Variants in NBEAL1 observed in about 807,000 individuals in gnomAD.
NBEAL1 encodes neurobeachin-like protein 1.
NBEAL1 carries 273 observed loss-of-function variants against 351.3 expected under a neutral mutation model. That is an observed-to-expected ratio of 0.78 (90% CI 0.70 to 0.86). The LOEUF (loss-of-function observed/expected upper bound fraction) is 0.86, where lower values mean the gene tolerates loss of function less well. Among genes scored for constraint, NBEAL1 ranks in the 40% least tolerant of loss-of-function variants. NBEAL1 has a pLI of 0.00. For missense variants in NBEAL1, 2,961 were observed against 3,201.3 expected (o/e 0.92, Z 1.81); for synonymous variants, 1,050 against 1,086.4 (o/e 0.97, Z 0.66).
At chr2:203,139,259 A>G (rs2063302362) in intron 31 of NBEAL1, among the ~76,000 whole-genome samples, 1 of 152,040 alleles carries the variant, frequency 6.6e-6, no homozygotes, top group Non-Finnish European at 1.5e-5. Flanking sequence ...GTCACAAGGA[A>G]TATTTATTAT....
chr2:203,161,326 C>CAAA (rs1174377516), intron 36 of NBEAL1, among the ~76,000 whole-genome samples: 2 of 64,786 alleles, frequency 3.1e-5, no homozygotes, highest in Non-Finnish European at 6.1e-5. Context: ...GACTCCATCT[C>CAAA]AAAAAAAAAA....
chr2:203,101,848 G>A (rs576540895), intron 12 of NBEAL1, among the ~76,000 whole-genome samples: 7 of 152,078 alleles, frequency 4.6e-5, no homozygotes, highest in East Asian at 1.9e-4. Context: ...TGCCCACCTC[G>A]GCCTCCTAAA....
In NBEAL1 at chr2:203,135,902, T is replaced by C; in HGVS notation, c.4039T>C (p.Ser1347Pro). 2.5e-6 allele frequency: 4 copies of C among 1,614,112 alleles called. No homozygotes were observed. Among genetic ancestry groups the C allele is most frequent in the Non-Finnish European group, 2.5e-6 (3 of 1,179,994 alleles). ...AAAAACAGATGAGGAAAAAATCACC[T>C]CTTTTGCCTCAGCTAATGTGTCTTC... ...DEKTDEEKIT[S>P]FASANVSSDQ... is the part of the protein sequence containing the mutation. The change falls in exon 28 of 56, where the codon TCT (serine) becomes CCT (proline). Residue 1347 changes from serine (S) to proline (P), a missense_variant. By Grantham distance (74) the Ser-to-Pro change is moderately conservative. Transcript: ENST00000683969.
intron 27 of NBEAL1, among the ~76,000 whole-genome samples, chr2:203,134,519 A>G (rs1326529654): frequency 6.6e-6 from 1 of 152,164 alleles, no homozygotes; most frequent in East Asian, 1.9e-4. Flanking sequence ...CCTTACCAAC[A>G]TTGTTCATCT....
chr2:203,022,223 A>C (rs1240740063), intron 2 of NBEAL1, among the ~76,000 whole-genome samples: 1 of 152,178 alleles, frequency 6.6e-6, no homozygotes, highest in East Asian at 1.9e-4. Context: ...AGCCTCTCAA[A>C]GTCTTAGATA....
intron 27 of NBEAL1, among the ~76,000 whole-genome samples, chr2:203,133,723 G>A (rs866747642): frequency 5.4e-5 from 8 of 147,182 alleles, no homozygotes; most frequent in Non-Finnish European, 8.9e-5. Context: ...ATATATATAT[G>A]TGTGTGTGAG....
intron 36 of NBEAL1, among the ~76,000 whole-genome samples, chr2:203,159,822 C>T (rs897268538): frequency 1.3e-5 from 2 of 152,020 alleles, no homozygotes; most frequent in Non-Finnish European, 2.9e-5. Flanking sequence ...CTGTTTTTTA[C>T]AGGGACTGTG....
At position 203,167,323 on chromosome 2, in the gene NBEAL1, T is replaced by C; in HGVS notation, c.5960T>C (p.Val1987Ala). 6.2e-7 allele frequency: 1 copy of C among 1,612,798 alleles called. No homozygotes were observed. Among genetic ancestry groups the C allele is most frequent in the Non-Finnish European group, 8.5e-7 (1 of 1,179,494 alleles). Reference sequence around the variant, plus strand: ...AGATCAGCCCTTGAGATTTTTCATGTTGACCAATCCAACTACTTTCTCAAT... The same window carrying C: ...AGATCAGCCCTTGAGATTTTTCATGCTGACCAATCCAACTACTTTCTCAAT... ...LRRSALEIFH[V>A]DQSNYFLNFK... is the part of the protein sequence containing the mutation. The change falls in exon 38 of 56, where the codon GTT (valine) becomes GCT (alanine). Residue 1987 changes from valine to alanine, a missense_variant. By Grantham distance (64) the Val-to-Ala change is moderately conservative. Coordinates refer to ENST00000683969, the MANE Select transcript of NBEAL1 (RefSeq NM_001378026.1).
intron 33 of NBEAL1, among the ~76,000 whole-genome samples, chr2:203,146,007 A>T (rs1344821441): frequency 6.6e-6 from 1 of 151,576 alleles, no homozygotes; most frequent in Non-Finnish European, 1.5e-5. Flanking sequence ...AAAAAAAAAA[A>T]GGAGAGAGAG....
chr2:203,095,143 C>A (rs1340772944), intron 10 of NBEAL1, among the ~76,000 whole-genome samples: 1 of 151,974 alleles, frequency 6.6e-6, no homozygotes, highest in Non-Finnish European at 1.5e-5. Flanking sequence ...AAGAGAAAAG[C>A]AAAGAAGAAA....
At chr2:203,021,215 C>T (rs1373972494) in intron 2 of NBEAL1, among the ~76,000 whole-genome samples, 2 of 151,932 alleles carry the variant, frequency 1.3e-5, no homozygotes, top group Non-Finnish European at 2.9e-5. Context: ...CTCCTGACCT[C>T]AGGCGATCCA....
chr2:203,185,473 C>T (rs1401248804), intron 44 of NBEAL1, among the ~76,000 whole-genome samples: 1 of 152,050 alleles, frequency 6.6e-6, no homozygotes, highest in Non-Finnish European at 1.5e-5. Flanking sequence ...CATGTGTATA[C>T]CTACATAACA....
At chr2:203,153,914 C>T (rs2063728249) in intron 35 of NBEAL1, among the ~76,000 whole-genome samples, 1 of 152,070 alleles carries the variant, frequency 6.6e-6, no homozygotes, top group Non-Finnish European at 1.5e-5. Flanking sequence ...TTCTTAGTCT[C>T]AGTTGTTCTT....
At chr2:203,151,208 G>A (rs995978763) in intron 34 of NBEAL1, among the ~76,000 whole-genome samples, 2 of 152,126 alleles carry the variant, frequency 1.3e-5, no homozygotes, top group Admixed American at 1.3e-4. Context: ...GCACATGCCT[G>A]TAATCCCTGC....
At chr2:203,078,898 A>G (rs981695361) in intron 8 of NBEAL1, among the ~76,000 whole-genome samples, 1 of 152,210 alleles carries the variant, frequency 6.6e-6, no homozygotes, top group African/African-American at 2.4e-5. Flanking sequence ...TGACATAGTA[A>G]TATGTGCTTC....
intron 27 of NBEAL1, among the ~76,000 whole-genome samples, chr2:203,133,461 A>G (rs1047402182): frequency 3.9e-5 from 6 of 152,058 alleles, no homozygotes; most frequent in Non-Finnish European, 7.4e-5. Flanking sequence ...ATACCATATT[A>G]TAGAGTTTCT....
intron 43 of NBEAL1, chr2:203,181,926 T>C (rs2064729880): frequency 6.6e-6 from 1 of 152,228 alleles, no homozygotes; most frequent in Non-Finnish European, 1.5e-5. Context: ...AAAGAATTTA[T>C]AAGGTACTCT....
intron 36 of NBEAL1, among the ~76,000 whole-genome samples, chr2:203,160,768 G>GTGTTGCCA (rs1323810828): frequency 6.6e-6 from 1 of 152,160 alleles, no homozygotes; most frequent in Non-Finnish European, 1.5e-5. Context: ...AACCGGCTGT[G>GTGTTGCCA]TGTTGCCAAT....
chr2:203,054,489 C>T (rs1020615624), intron 4 of NBEAL1, among the ~76,000 whole-genome samples: 3 of 151,836 alleles, frequency 2.0e-5, no homozygotes, highest in South Asian at 2.1e-4. Flanking sequence ...GGCTAAGTCT[C>T]GAATTCCTGG....
Sources: gnomAD v4.1 joint callset for allele counts (sites outside exome capture counted in the v4.1 genomes callset) on GRCh38, gnomAD v4.1.1 for gene constraint, MANE v1.5 for transcripts, NCBI Gene and HGNC (gene_info 2026-07-23, HGNC 2026-07-21) for gene names.